SOX6: variants seen among roughly 807,000 people sequenced by gnomAD.
SOX6 encodes the protein transcription factor SOX-6.
SOX6 carries 11 observed loss-of-function variants against 97.8 expected under a neutral mutation model. The ratio of observed to expected loss-of-function variants is 0.11; its 90% CI spans 0.07 to 0.19. The LOEUF is 0.19. Among genes scored for constraint, SOX6 ranks in the 10% least tolerant of loss-of-function variants. The pLI is 1.00. For missense variants in SOX6, 810 were observed against 1,039.5 expected, an observed-to-expected ratio of 0.78 and a Z score of 3.04; for synonymous variants, 360 against 371.4, an observed-to-expected ratio of 0.97 and a Z score of 0.35.
intron 3 of SOX6, among the ~76,000 whole-genome samples, chr11:16,714,463 T>TTTTTTTC (rs1848203886): frequency 6.7e-6 from 1 of 148,610 alleles, no homozygotes; most frequent in African/African-American, 2.5e-5. Context: ...TTTTTTTTTT[T>TTTTTTTC]TTTTTTTTCA....
intron 13 of SOX6, among the ~76,000 whole-genome samples, chr11:16,001,685 T>C (rs951333536): frequency 6.6e-6 from 1 of 152,208 alleles, no homozygotes; most frequent in African/African-American, 2.4e-5. Context: ...TTCATGCCAC[T>C]GTCTAATTGT....
intron 9 of SOX6, among the ~76,000 whole-genome samples, chr11:16,064,600 A>C (rs1848046061): frequency 6.6e-6 from 1 of 151,668 alleles, no homozygotes; most frequent in Admixed American, 6.6e-5. Context: ...ATGAATATTG[A>C]TGCAAAAATC....
intron 6 of SOX6, among the ~76,000 whole-genome samples, chr11:16,127,215 T>G (rs755859961): frequency 1.3e-5 from 2 of 149,380 alleles, no homozygotes; most frequent in Non-Finnish European, 2.9e-5. Flanking sequence ...TGGGAGAGAT[T>G]TTTAACAACA....
In SOX6 at chr11:15,972,517, G is replaced by A; in HGVS notation, c.*292C>T. On this transcript the variant is annotated 3_prime_UTR_variant, in exon 16 of 16. Transcript: ENST00000683767. ...AAAAAAAAGTAAGACAAAAATATAA[G>A]ACTTGTAAGACATCTACGGGTTGAG... 1 of 409,914 alleles carries A rather than the reference G, an allele frequency of 2.4e-6. No individual in the cohort carries two copies. Among genetic ancestry groups the A allele is most frequent in the Non-Finnish European group, 4.4e-6 (1 of 226,082 alleles). 25.4% of individuals were successfully genotyped at this position (409,914 alleles called of 1,614,324 possible).
intron 2 of SOX6, among the ~76,000 whole-genome samples, chr11:16,720,814 C>A (rs1295019294): frequency 2.0e-5 from 3 of 151,772 alleles, no homozygotes; most frequent in Non-Finnish European, 4.4e-5. Flanking sequence ...AACATAATCA[C>A]AAACAAAATA....
At chr11:16,364,727 G>C (rs626927) in intron 1 of SOX6, among the ~76,000 whole-genome samples, 94,969 of 151,430 alleles carry the variant, frequency 0.63, 30,640 homozygotes, top group Non-Finnish European at 0.72. Context: ...TTATCACTCA[G>C]AATGACTATG....
chr11:16,614,892 A>G (rs1219511819), intron 3 of SOX6, among the ~76,000 whole-genome samples: 1 of 152,268 alleles, frequency 6.6e-6, no homozygotes, highest in African/African-American at 2.4e-5. Flanking sequence ...AGCATAAATC[A>G]GCCCTGGCTG....
chr11:16,314,496 C>T (rs1190484746), intron 3 of SOX6: 1 of 152,022 alleles, frequency 6.6e-6, no homozygotes, highest in Non-Finnish European at 1.5e-5. Flanking sequence ...TGCCTTATAT[C>T]TCTTACTGGA....
chr11:16,003,442 G>A (rs79325715), intron 13 of SOX6, among the ~76,000 whole-genome samples: 3,170 of 152,066 alleles, frequency 0.021, 51 homozygotes, highest in Non-Finnish European at 0.033. Context: ...CACCCTATGC[G>A]TACCTCCATC....
chr11:16,301,506 G>A (rs1224798362), intron 3 of SOX6, among the ~76,000 whole-genome samples: 1 of 152,086 alleles, frequency 6.6e-6, no homozygotes, highest in African/African-American at 2.4e-5. Flanking sequence ...TGATTTAGTA[G>A]GTCAAGGATG....
At chr11:16,643,692 T>C (rs1029790724) in intron 3 of SOX6, among the ~76,000 whole-genome samples, 8 of 152,200 alleles carry the variant, frequency 5.3e-5, no homozygotes, top group Non-Finnish European at 1.2e-4. Flanking sequence ...TGAGGCTCCA[T>C]GGGCATAGGA....
chr11:16,503,859 A>G (rs1277815512), intron 4 of SOX6, among the ~76,000 whole-genome samples: 1 of 152,028 alleles, frequency 6.6e-6, no homozygotes, highest in African/African-American at 2.4e-5. Flanking sequence ...CCTGGCTAAC[A>G]AGGTGAAACT....
intron 13 of SOX6, among the ~76,000 whole-genome samples, chr11:16,007,073 A>C (rs1854577237): frequency 6.6e-6 from 1 of 152,086 alleles, no homozygotes; most frequent in South Asian, 2.1e-4. Context: ...AGAAGGAGAT[A>C]TTAAAAAACA....
chr11:16,303,073 T>C (rs1361950393), intron 3 of SOX6, among the ~76,000 whole-genome samples: 1 of 152,174 alleles, frequency 6.6e-6, no homozygotes, highest in Non-Finnish European at 1.5e-5. Flanking sequence ...AAAAGCTTAA[T>C]AAATGATTAT....
At chr11:16,414,926 T>C (rs2133059550) in intron 1 of SOX6, among the ~76,000 whole-genome samples, 1 of 152,282 alleles carries the variant, frequency 6.6e-6, no homozygotes, top group African/African-American at 2.4e-5. Context: ...TAATGCATTG[T>C]TATTCAATAT....
intron 4 of SOX6, among the ~76,000 whole-genome samples, chr11:16,574,913 G>A (rs975907889): frequency 2.0e-5 from 3 of 151,856 alleles, no homozygotes; most frequent in East Asian, 3.9e-4. Context: ...GGTGGCACAC[G>A]CCTGTAATCT....
chr11:16,467,973 T>G (rs560424830), intron 1 of SOX6, among the ~76,000 whole-genome samples: 1 of 152,328 alleles, frequency 6.6e-6, no homozygotes, highest in African/African-American at 2.4e-5. Flanking sequence ...CTTTCAATAT[T>G]AATGAAAGCT....
intron 4 of SOX6, among the ~76,000 whole-genome samples, chr11:16,535,336 T>A (rs2133172601): frequency 6.6e-6 from 1 of 152,316 alleles, no homozygotes; most frequent in East Asian, 1.9e-4. Flanking sequence ...AAAAATCAAA[T>A]AAGCAAATTA....
At position 16,074,909 on chromosome 11, in the gene SOX6, C is replaced by T. The variant is rs551254051; in HGVS notation, c.1102-19008G>A. ...AGAACCAAAAAAGAGCTTGAATAGC[C>T]AAGGCAATCCTAAGCAAAATATAAA... On this transcript the variant is annotated intron_variant, in intron 9 of 15. Coordinates refer to ENST00000683767, the MANE Select transcript of SOX6 (RefSeq NM_001367873.1). 2.0e-5 allele frequency among the ~76,000 whole-genome samples: 3 copies of T among 152,154 alleles called. No homozygotes were observed. The South Asian group carries it at 6.2e-4, about 32-fold the overall frequency.
Sources: gnomAD v4.1 joint callset for allele counts (sites outside exome capture counted in the v4.1 genomes callset) on GRCh38, gnomAD v4.1.1 for gene constraint, MANE v1.5 for transcripts, NCBI Gene and HGNC (gene_info 2026-07-23, HGNC 2026-07-21) for gene names.